BICRA: variants seen among roughly 807,000 people sequenced by gnomAD.
The protein encoded by BICRA is BRD4 interacting chromatin remodeling complex associated protein.
Under a neutral mutation model 96.9 loss-of-function variants are expected in BICRA, and 31 were observed. That is an observed-to-expected ratio of 0.32 (90% CI 0.24 to 0.43). The LOEUF (loss-of-function observed/expected upper bound fraction) is 0.43, where lower values mean the gene tolerates loss of function less well. Among genes scored for constraint, BICRA ranks in the 20% least tolerant of loss-of-function variants. BICRA has a pLI of 1.00. For synonymous variants in BICRA, 1,350 were observed against 1,071.8 expected, an observed-to-expected ratio of 1.26 and a Z score of -5.07; for missense variants, 2,283 against 2,190.3, an observed-to-expected ratio of 1.04 and a Z score of -0.84.
rs747734032 is a variant in BICRA, at chr19:47,701,353, G to T, written c.3621G>T (p.Ser1207=). Residue 1207 remains serine, a synonymous_variant, in exon 15 of 15, where the codon TCG becomes TCT. Coordinates refer to ENST00000594866, the MANE Select transcript of BICRA (RefSeq NM_001394372.1). This position sits in a 1 kb window ranked among gnomAD's most constrained non-coding sequence, Gnocchi z 5.4. The stretch of plus-strand genomic sequence containing the variant: ...ACGAGTACGTGTCTTCCTCCCGCTC[G>T]CTCGGCCTCCCCATCGCAGCCTCTT... ...KPDEYVSSSR[S]LGLPIAASSE... is the part of the protein sequence containing the mutation. 4 of 1,611,110 alleles carry T rather than the reference G, an allele frequency of 2.5e-6. No individual in the cohort carries two copies. In the South Asian group the frequency reaches 3.3e-5, roughly 13 times the overall value.
At chr19:47,616,667 A>T in intron 1 of BICRA, among the ~76,000 whole-genome samples, 1 of 151,954 alleles carries the variant, frequency 6.6e-6, no homozygotes, top group Middle Eastern at 3.4e-3. Flanking sequence ...ACAATGCCCA[A>T]ATACCCACTG....
Position 47,621,425 on chromosome 19 carries a change from C to T in BICRA, c.-108+12257C>T, listed in dbSNP as rs554386778. ...GTGCTTTGTACCTTCTCAAGCATGT[C>T]CCCTTCCATGGTCCTGCTTTTGTAT... On this transcript the variant is annotated intron_variant, in intron 1 of 14. Transcript: ENST00000594866. Among the ~76,000 whole-genome samples, 12 of 151,864 alleles carry T rather than the reference C, an allele frequency of 7.9e-5. No individual in the cohort carries two copies. In the South Asian group the frequency reaches 2.5e-3, roughly 32 times the overall value.
intron 4 of BICRA, 70 bp downstream of exon 4, chr19:47,673,832 G>A (rs1297400457): frequency 7.7e-7 from 1 of 1,291,266 alleles, no homozygotes; most frequent in Non-Finnish European, 1.1e-6. Context: ...GGGACAGGGA[G>A]AGACATGTCC....
chr19:47,661,190 G>T (rs888231914), intron 1 of BICRA, among the ~76,000 whole-genome samples: 2 of 140,340 alleles, frequency 1.4e-5, no homozygotes, highest in Non-Finnish European at 3.0e-5. Flanking sequence ...CACCAGCCTG[G>T]GTGACTGAGC....
chr19:47,643,240 G>A (rs1259479112), intron 1 of BICRA, among the ~76,000 whole-genome samples: 1 of 152,246 alleles, frequency 6.6e-6, no homozygotes, highest in African/African-American at 2.4e-5. Flanking sequence ...AAAGTGCTGG[G>A]ATTACAGGCA....
In BICRA at chr19:47,695,051, C is replaced by A. The variant is rs747448573; in HGVS notation, c.3047C>A (p.Ala1016Asp). 1 of 1,498,456 alleles carries A rather than the reference C, an allele frequency of 6.7e-7. No homozygotes were observed. Among genetic ancestry groups the A allele is most frequent in the Admixed American group, 2.6e-5 (1 of 38,122 alleles). The allele number at this position is 1,498,456 out of a possible 1,614,324, so 92.8% of individuals were successfully genotyped here. The change falls in exon 9 of 15, where the codon GCC becomes GAC. Residue 1016 changes from alanine to aspartate, a missense_variant. Physicochemically the swap from Ala to Asp is moderately radical, Grantham distance 126. Transcript: ENST00000594866. ...GGGACCCCCACTGCCCCCAGCCACG[C>A]CCCCGCCCCGGCACCCATGGCCGCC... ...PSGTPTAPSH[A>D]PAPAPMAATG... is the part of the protein sequence containing the mutation.
chr19:47,671,649 AGATG>A (rs1972862596), intron 2 of BICRA, among the ~76,000 whole-genome samples: 1 of 150,346 alleles, frequency 6.7e-6, no homozygotes. Context: ...ATGGGTAGGT[AGATG>A]GATGGAAGGA....
chr19:47,651,503 G>A (rs1044017696), intron 1 of BICRA, among the ~76,000 whole-genome samples: 8 of 151,996 alleles, frequency 5.3e-5, no homozygotes, highest in East Asian at 1.9e-4. Context: ...TCTTCTCCTC[G>A]GGACGCTGTC....
chr19:47,627,117 G>A (rs73043719), intron 1 of BICRA, among the ~76,000 whole-genome samples: 42,641 of 151,884 alleles, frequency 0.28, 6,156 homozygotes, highest in Non-Finnish European at 0.32. Context: ...CCAAGAGCCA[G>A]CCTGGGTTGC....
chr19:47,696,386 G>T (rs945565142), intron 10 of BICRA, 65 bp from the exon 11 acceptor site: 1 of 1,450,772 alleles, frequency 6.9e-7, no homozygotes, highest in Non-Finnish European at 9.5e-7. Flanking sequence ...GGCTAGAGGG[G>T]AAGCTGGTCG....
Position 47,702,312 on chromosome 19 carries a change from C to T in BICRA, c.4580C>T (p.Ala1527Val). The T allele has an allele frequency of 1.9e-6, 3 of 1,570,474 alleles. No individual in the cohort carries two copies. The highest frequency in any genetic ancestry group is 1.7e-6 in the Non-Finnish European group (2 of 1,166,640). The change falls in exon 15 of 15, where the codon GCC (alanine) becomes GTC (valine). Residue 1527 changes from alanine to valine, a missense_variant. Coordinates refer to ENST00000594866, the MANE Select transcript of BICRA (RefSeq NM_001394372.1). ...RTPAPSYPHA[A>V]SAGTPASPPP... ...CCCGCGCCCTCGTACCCCCACGCTG[C>T]CTCGGCCGGCACCCCCGCATCCCCG...
intron 1 of BICRA, among the ~76,000 whole-genome samples, chr19:47,657,694 C>A (rs1972641246): frequency 6.6e-6 from 1 of 152,222 alleles, no homozygotes; most frequent in Non-Finnish European, 1.5e-5. Flanking sequence ...CCATGCCCGG[C>A]TGCTGTGAAA....
chr19:47,685,290 G>A (rs941047097), intron 7 of BICRA, among the ~76,000 whole-genome samples: 2 of 152,122 alleles, frequency 1.3e-5, no homozygotes, highest in East Asian at 1.9e-4. Context: ...CTGGCCACGC[G>A]GATGACCTTT....
intron 1 of BICRA, among the ~76,000 whole-genome samples, chr19:47,626,968 C>T (rs1391994424): frequency 2.6e-5 from 4 of 151,996 alleles, no homozygotes; most frequent in Admixed American, 1.3e-4. Flanking sequence ...GTGATCCGCC[C>T]GTCTTGGCCT....
intron 1 of BICRA, among the ~76,000 whole-genome samples, chr19:47,647,770 C>G (rs1025497951): frequency 9.2e-5 from 14 of 152,088 alleles, no homozygotes; most frequent in African/African-American, 3.1e-4. Context: ...TGCCTGTGAC[C>G]AAGATGTCCG....
At chr19:47,621,466 CTTTTTTT>C (rs751401159) in intron 1 of BICRA, among the ~76,000 whole-genome samples, 2 of 135,016 alleles carry the variant, frequency 1.5e-5, no homozygotes, top group East Asian at 4.3e-4. Flanking sequence ...ATTTTTTAGT[CTTTTTTT>C]TTTTTTTTTT....
At chr19:47,674,882 T>C (rs992068006) in intron 4 of BICRA, among the ~76,000 whole-genome samples, 1 of 152,168 alleles carries the variant, frequency 6.6e-6, no homozygotes, top group Non-Finnish European at 1.5e-5. Context: ...CCCATCACAC[T>C]GTATTCACTA....
At chr19:47,670,740 G>A (rs957301119) in intron 2 of BICRA, among the ~76,000 whole-genome samples, 196 bp downstream of exon 2, 13 of 152,318 alleles carry the variant, frequency 8.5e-5, no homozygotes, top group East Asian at 7.7e-4. Context: ...CTCTGCATTA[G>A]CTGCAAGCAA....
Position 47,655,698 on chromosome 19 carries a change from C to CA in BICRA, c.-107-14737dup, listed in dbSNP as rs1394233958. Among the ~76,000 whole-genome samples, 5 of 147,674 alleles carry CA rather than the reference C, an allele frequency of 3.4e-5. No individual in the cohort carries two copies. The East Asian group carries it at 8.1e-4, about 24-fold the overall frequency. On this transcript the variant is annotated intron_variant, in intron 1 of 14. Transcript: ENST00000594866. ...TGAAACCCCATCTCTACTAAAAATA[C>CA]AAAAAAAATGAGCTGGGCTTGGTGG...
Sources: gnomAD v4.1 joint callset for allele counts (sites outside exome capture counted in the v4.1 genomes callset) on GRCh38, gnomAD v4.1.1 for gene constraint, Gnocchi (gnomAD v3.1) non-coding constraint, MANE v1.5 for transcripts, NCBI Gene and HGNC (gene_info 2026-07-23, HGNC 2026-07-21) for gene names.